The following CYP2F1 variants were observed in gnomAD, a reference collection of about 807,000 sequenced individuals.
The protein encoded by CYP2F1 is cytochrome P450 2F1.
CYP2F1 carries 33 observed loss-of-function variants against 40.4 expected under a neutral mutation model. The observed-to-expected ratio is 0.82, with a 90% CI of 0.62 to 1.09. CYP2F1 has a LOEUF of 1.09. Among genes scored for constraint, CYP2F1 ranks in the 50% least tolerant of loss-of-function variants. The pLI is 0.00. For synonymous variants in CYP2F1, 235 were observed against 277.2 expected, an observed-to-expected ratio of 0.85 and a Z score of 1.51; for missense variants, 566 against 655.7, an observed-to-expected ratio of 0.86 and a Z score of 1.49.
intron 3 of CYP2F1, 21 bp from the exon 4 acceptor site, chr19:41,120,326 G>C (rs2032113844): frequency 1.3e-6 from 2 of 1,572,680 alleles, no homozygotes; most frequent in Non-Finnish European, 1.7e-6. Context: ...GGTTAAGCTG[G>C]TCCCCTCCTC....
In CYP2F1 at chr19:41,124,785, C is replaced by A. The variant is rs761170962; in HGVS notation, c.1031C>A (p.Ala344Glu). Residue 344 changes from alanine to glutamate, a missense_variant, in exon 8 of 10, where the codon GCG becomes GAG. Ala to Glu is a moderately radical substitution (Grantham distance 107). Around this residue, in one of 5 missense-constraint regions of CYP2F1, gnomAD observed 128 missense variants for 121.0 expected, o/e 1.06. Transcript: ENST00000331105. ...RARLPALKDR[A>E]AMPYTDAVIH... is the part of the protein sequence containing the mutation. ...CGGCTGCCGGCGCTGAAGGACCGCG[C>A]GGCCATGCCTTACACAGACGCGGTG... 3 of 1,610,044 alleles carry A rather than the reference C, an allele frequency of 1.9e-6. No homozygotes were observed. The highest frequency in any genetic ancestry group is 1.3e-5 in the African/African-American group (1 of 74,882).
chr19:41,121,495 A>G lies in CYP2F1; in HGVS notation c.522A>G (p.Ser174=), dbSNP rs2032198942. 6.2e-7 allele frequency: 1 copy of G among 1,609,822 alleles called. No homozygotes were observed. The highest frequency in any genetic ancestry group is 8.5e-7 in the Non-Finnish European group (1 of 1,179,774). Residue 174 remains serine, a synonymous_variant, in exon 5 of 10, where the codon TCA becomes TCG. Coordinates refer to ENST00000331105, the MANE Select transcript of CYP2F1 (RefSeq NM_000774.5). ...ACCCCACGTTTGTGCTGAGTCGCTCAGTGTCCAACATTATCTGTTCCGTGC... is the reference window on the plus strand; with the variant it reads ...ACCCCACGTTTGTGCTGAGTCGCTCGGTGTCCAACATTATCTGTTCCGTGC... The part of the protein sequence containing the change: ...PFDPTFVLSR[S]VSNIICSVLF...
At chr19:41,116,422 GC>G (rs1555718743) in intron 2 of CYP2F1, 32 bp from the exon 3 acceptor site, 7 of 1,607,984 alleles carry the variant, frequency 4.4e-6, no homozygotes, top group Admixed American at 3.4e-5. Flanking sequence ...ATGGCCACAG[GC>G]CCCCCTGTAA....
At chr19:41,120,112 G>A (rs2032099293) in intron 3 of CYP2F1, among the ~76,000 whole-genome samples, 1 of 151,956 alleles carries the variant, frequency 6.6e-6, no homozygotes, top group South Asian at 2.1e-4. Context: ...AGAGTGATCA[G>A]GTTCTTAATG....
intron 9 of CYP2F1, among the ~76,000 whole-genome samples, chr19:41,127,424 C>T (rs975860801): frequency 3.9e-5 from 6 of 152,144 alleles, no homozygotes; most frequent in Non-Finnish European, 7.3e-5. Flanking sequence ...CAGCCTTGAT[C>T]TCCTGGGCTC....
chr19:41,120,333 C>T lies in CYP2F1; in HGVS notation c.335-14C>T. Reference sequence around the variant, plus strand: ...GAGTTCCCGGTTAAGCTGGTCCCCTCCTCTTCTCCCCAGGCATCGCCTTCT... The same window carrying T: ...GAGTTCCCGGTTAAGCTGGTCCCCTTCTCTTCTCCCCAGGCATCGCCTTCT... On this transcript the variant is annotated splice_polypyrimidine_tract_variant and intron_variant, in intron 3 of 9. Coordinates refer to ENST00000331105, the MANE Select transcript of CYP2F1 (RefSeq NM_000774.5). The T allele has an allele frequency of 6.3e-7, 1 of 1,578,622 alleles. No homozygotes were observed. The highest frequency in any genetic ancestry group is 8.6e-7 in the Non-Finnish European group (1 of 1,164,950).
Position 41,122,822 on chromosome 19 carries a change from G to C in CYP2F1, c.823G>C (p.Glu275Gln), listed in dbSNP as rs752943800. 3.3e-6 allele frequency: 5 copies of C among 1,534,768 alleles called. No homozygotes were observed. The highest frequency in any genetic ancestry group is 3.5e-6 in the Non-Finnish European group (4 of 1,140,056). Residue 275 changes from glutamate (E) to glutamine (Q), a missense_variant and splice_region_variant, in exon 7 of 10, where the codon GAG becomes CAG. Around this residue, in one of 5 missense-constraint regions of CYP2F1, gnomAD observed 62 missense variants for 105.6 expected, o/e 0.59. Coordinates refer to ENST00000331105, the MANE Select transcript of CYP2F1 (RefSeq NM_000774.5). ...IQCFLTKMAE[E>Q]KEDPLSHFHM... is the part of the protein sequence containing the mutation. ...CATCCCCACCCCTCTACCAATGCAG[G>C]AGAAGGAGGACCCACTGAGCCACTT...
intron 6 of CYP2F1, among the ~76,000 whole-genome samples, chr19:41,122,523 CACATACACACAT>C (rs1178462084): frequency 1.3e-5 from 2 of 151,574 alleles, no homozygotes; most frequent in Non-Finnish European, 2.9e-5. Flanking sequence ...CATACACACA[CACATACACACAT>C]ACATACATAC....
Position 41,116,577 on chromosome 19 carries a change from C to T in CYP2F1, c.294C>T (p.Arg98=), listed in dbSNP as rs151222092. The T allele has an allele frequency of 4.2e-5, 68 of 1,613,996 alleles. No individual in the cohort carries two copies. In the Middle Eastern group the frequency reaches 4.9e-4, roughly 12 times the overall value. Residue 98 remains arginine (R), a synonymous_variant, in exon 3 of 10, where the codon CGC becomes CGT. Transcript: ENST00000331105. ...LVDQGEEFSG[R]GDYPAFFNFT... is the part of the protein sequence containing the mutation. ...ACCAGGGAGAGGAGTTTAGTGGCCG[C>T]GGTGACTACCCTGCCTTTTTCAACT...
chr19:41,116,452 C>T lies in CYP2F1; in HGVS notation c.172-3C>T. On this transcript the variant is annotated splice_polypyrimidine_tract_variant and splice_region_variant and intron_variant, in intron 2 of 9. Transcript: ENST00000331105. ...CCTGTAACTTCTGTCTTCCTACCCTCAGCTGAGCAAGGAGTATGGCTCCAT... is the reference window on the plus strand; with the variant it reads ...CCTGTAACTTCTGTCTTCCTACCCTTAGCTGAGCAAGGAGTATGGCTCCAT... 6.2e-7 allele frequency: 1 copy of T among 1,609,660 alleles called. No homozygotes were observed.
In CYP2F1 at chr19:41,124,766, C is replaced by T; in HGVS notation, c.1012C>T (p.Pro338Ser). The change falls in exon 8 of 10, where the codon CCG becomes TCG. Residue 338 changes from proline (P) to serine (S), a missense_variant. Coordinates refer to ENST00000331105, the MANE Select transcript of CYP2F1 (RefSeq NM_000774.5). ...IDLVVGRARL[P>S]ALKDRAAMPY... ...CCTCGTGGTGGGACGCGCGCGGCTG[C>T]CGGCGCTGAAGGACCGCGCGGCCAT... The T allele has an allele frequency of 6.2e-7, 1 of 1,607,858 alleles. No individual in the cohort carries two copies.
chr19:41,123,394 T>C, intron 7 of CYP2F1: 1 of 348,104 alleles, frequency 2.9e-6, no homozygotes, highest in Non-Finnish European at 5.7e-6. Context: ...ATTTTTCTAT[T>C]TTTAGTAGAG....
At chr19:41,116,710 C>T (rs12975986) in intron 3 of CYP2F1, 93 bp downstream of exon 3, 243,171 of 1,404,120 alleles carry the variant, frequency 0.17, 22,124 homozygotes, top group South Asian at 0.19. Flanking sequence ...CTTGTTGACA[C>T]TCAGGGCTGC....
chr19:41,128,146 C>T lies in CYP2F1; in HGVS notation c.*64C>T, dbSNP rs2032620749. Reference sequence around the variant, plus strand: ...CCCGCCCATGCGGGTTGCTACGTCCCCTTCTTGGTCCACAGTCTGCCCTCA... The same window carrying T: ...CCCGCCCATGCGGGTTGCTACGTCCTCTTCTTGGTCCACAGTCTGCCCTCA... On this transcript the variant is annotated 3_prime_UTR_variant, in exon 10 of 10. Transcript: ENST00000331105. 1 of 1,493,354 alleles carries T rather than the reference C, an allele frequency of 6.7e-7. No homozygotes were observed. The highest frequency in any genetic ancestry group is 1.9e-5 in the Admixed American group (1 of 53,640). 92.5% of individuals were successfully genotyped at this position (1,493,354 alleles called of 1,614,324 possible). A position where few individuals can be genotyped will look rare whatever the true frequency, so the allele number is the denominator to read the frequency against.
chr19:41,116,044 A>G, intron 1 of CYP2F1, 134 bp from the exon 2 acceptor site: 2 of 745,746 alleles, frequency 2.7e-6, no homozygotes, highest in Non-Finnish European at 4.3e-6. Flanking sequence ...TCCCTTCCCC[A>G]TCCCCTGGCC....
chr19:41,119,723 C>CTCTCTCTATATATATATA (rs1478574507), intron 3 of CYP2F1, among the ~76,000 whole-genome samples: 2 of 35,810 alleles, frequency 5.6e-5, no homozygotes, highest in Non-Finnish European at 5.2e-5. Flanking sequence ...CTCTCTCTCT[C>CTCTCTCTATATATATATA]TATATATATA....
At position 41,116,372 on chromosome 19, in the gene CYP2F1, T is replaced by C; in HGVS notation, c.171+13T>C. On this transcript the variant is annotated intron_variant, in intron 2 of 9. Coordinates refer to ENST00000331105, the MANE Select transcript of CYP2F1 (RefSeq NM_000774.5). ...TTCTCTCACTAAGGTGCAAGGCCCT[T>C]AGCTTGGGTGATGGTGGAAGGATAA... 6.2e-7 allele frequency: 1 copy of C among 1,613,028 alleles called. No individual in the cohort carries two copies. The highest frequency in any genetic ancestry group is 8.5e-7 in the Non-Finnish European group (1 of 1,179,416).
intron 5 of CYP2F1, 44 bp downstream of exon 5, chr19:41,121,662 G>C (rs1454811885): frequency 1.3e-6 from 2 of 1,551,008 alleles, no homozygotes; most frequent in Non-Finnish European, 1.8e-6. Flanking sequence ...GGGGTCCGCA[G>C]GATCTAGGAA....
intron 9 of CYP2F1, among the ~76,000 whole-genome samples, chr19:41,127,641 C>T (rs138552052): frequency 1.1e-3 from 174 of 152,264 alleles, no homozygotes; most frequent in African/African-American, 4.0e-3. Flanking sequence ...GCCTTCATAT[C>T]CCCATTTTAA....
Sources: gnomAD v4.1 joint callset for allele counts (sites outside exome capture counted in the v4.1 genomes callset) on GRCh38, gnomAD v4.1.1 for gene constraint, gnomAD v4.1.1 regional missense constraint, MANE v1.5 for transcripts, NCBI Gene and HGNC (gene_info 2026-07-23, HGNC 2026-07-21) for gene names.